The following MESD variants were observed in gnomAD, a reference collection of about 807,000 sequenced individuals.
MESD encodes mesoderm development LRP chaperone, also known as LRP chaperone MESD.
MESD carries 7 observed loss-of-function variants against 12.9 expected under a neutral mutation model. The observed-to-expected ratio is 0.54, with a 90% CI of 0.31 to 1.02. The LOEUF (loss-of-function observed/expected upper bound fraction) is 1.02. MESD is among the 50% of genes least tolerant of loss of function. MESD has a pLI of 0.05. For synonymous variants in MESD, 126 were observed against 115.6 expected, an observed-to-expected ratio of 1.09 and a Z score of -0.58; for missense variants, 342 against 296.7, an observed-to-expected ratio of 1.15 and a Z score of -1.12.
In MESD at chr15:80,989,762, G is replaced by C. The variant is rs759949990; in HGVS notation, c.30C>G (p.Ala10=). The change falls in exon 1 of 3, where the codon GCC becomes GCG. Residue 10 remains alanine (A), a synonymous_variant. Coordinates refer to ENST00000261758, the MANE Select transcript of MESD (RefSeq NM_015154.3). MAASRWARK[A]VVLLCASDLL... is the part of the protein sequence containing the mutation. ...GGTCAGAGGCACAAAGCAGGACCAC[G>C]GCCTTGCGCGCCCACCTGGAAGCCG... 1 of 1,596,146 alleles carries C rather than the reference G, an allele frequency of 6.3e-7. No individual in the cohort carries two copies. Among genetic ancestry groups the C allele is most frequent in the Non-Finnish European group, 8.5e-7 (1 of 1,177,504 alleles).
intron 3 of MESD, chr15:80,970,347 T>C (rs1902258842): frequency 6.6e-6 from 1 of 152,194 alleles, no homozygotes; most frequent in Non-Finnish European, 1.5e-5. Context: ...GCTTTGGTTA[T>C]ATGGTGGAGA....
intron 3 of MESD, among the ~76,000 whole-genome samples, chr15:80,953,772 G>A (rs938042772): frequency 1.3e-5 from 2 of 152,164 alleles, no homozygotes; most frequent in Admixed American, 6.5e-5. Context: ...AGGCATGGGC[G>A]TTCACTCATG....
chr15:80,971,687 C>T (rs1461227950), downstream of MESD, among the ~76,000 whole-genome samples: 2 of 152,046 alleles, frequency 1.3e-5, no homozygotes, highest in Non-Finnish European at 2.9e-5. Context: ...AGTACAGTGA[C>T]ACAATCACAG....
chr15:80,966,957 C>T (rs1212653225), intron 3 of MESD, among the ~76,000 whole-genome samples: 1 of 152,130 alleles, frequency 6.6e-6, no homozygotes, highest in African/African-American at 2.4e-5. Flanking sequence ...AACTGAGGCC[C>T]ATCGAGGTGA....
At chr15:80,969,818 G>C (rs1902248983) in intron 3 of MESD, among the ~76,000 whole-genome samples, 1 of 152,150 alleles carries the variant, frequency 6.6e-6, no homozygotes, top group Non-Finnish European at 1.5e-5. Flanking sequence ...TGGCGCCACT[G>C]CACTCCAGTC....
chr15:80,946,884 G>T, downstream of MESD: 1 of 920,026 alleles, frequency 1.1e-6, no homozygotes, highest in South Asian at 1.4e-5. Flanking sequence ...GTCCCACCAT[G>T]CACAAACCAA....
downstream of MESD, among the ~76,000 whole-genome samples, chr15:80,971,506 G>C (rs1902288112): frequency 6.6e-6 from 1 of 152,158 alleles, no homozygotes; most frequent in Admixed American, 6.5e-5. Context: ...GTTCCTCTTA[G>C]TAATTCTCCA....
intron 2 of MESD, among the ~76,000 whole-genome samples, chr15:80,980,127 C>G (rs1393648529): frequency 1.3e-5 from 2 of 152,194 alleles, no homozygotes; most frequent in Admixed American, 1.3e-4. Flanking sequence ...CCACGCGTTC[C>G]CCCTTCAGTT....
intron 2 of MESD, 80 bp from the exon 3 acceptor site, chr15:80,979,557 T>A: frequency 6.8e-7 from 1 of 1,466,834 alleles, no homozygotes; most frequent in Admixed American, 2.3e-5. Context: ...CTGGCACTTA[T>A]CAGTTTATTT....
At chr15:80,968,026 G>A (rs1002962134) in intron 3 of MESD, among the ~76,000 whole-genome samples, 14 of 152,208 alleles carry the variant, frequency 9.2e-5, no homozygotes, top group African/African-American at 1.7e-4. Context: ...TGACACTTGC[G>A]TGGGACCTCC....
In MESD at chr15:80,979,479, T is replaced by C. The variant is rs1477443871; in HGVS notation, c.447-2A>G. ...GCACGGTCTGATCCCACAATGAACC[T>C]TGGGCAGAGAGATGCAATCAGTCAG... On this transcript the variant is annotated splice_acceptor_variant, in intron 2 of 2. Transcript: ENST00000261758. LOFTEE classifies it high-confidence loss of function. 1.9e-6 allele frequency: 3 copies of C among 1,612,470 alleles called. No individual in the cohort carries two copies. Among genetic ancestry groups the C allele is most frequent in the African/African-American group, 1.3e-5 (1 of 74,880 alleles).
downstream of MESD, among the ~76,000 whole-genome samples, chr15:80,970,821 G>T (rs747699552): frequency 6.6e-6 from 1 of 152,166 alleles, no homozygotes; most frequent in African/African-American, 2.4e-5. Context: ...GGAGCAGGAT[G>T]GGGGCAGTAG....
Position 80,989,634 on chromosome 15 carries a change from T to C in MESD, c.158A>G (p.Lys53Arg), listed in dbSNP as rs1893242738. The C allele has an allele frequency of 1.2e-6, 2 of 1,613,542 alleles. No individual in the cohort carries two copies. Among genetic ancestry groups the C allele is most frequent in the Admixed American group, 1.7e-5 (1 of 60,010 alleles). ...ESTPPPRKKK[K>R]DIRDYNDADM... Reference sequence around the variant, plus strand: ...TGCATCATTGTAATCGCGAATATCCTTCTTCTTCTTCCGGGGAGGTGGGGT... The same window carrying C: ...TGCATCATTGTAATCGCGAATATCCCTCTTCTTCTTCCGGGGAGGTGGGGT... The change falls in exon 1 of 3, where the codon AAG becomes AGG. Residue 53 changes from lysine (K) to arginine (R), a missense_variant. Lys to Arg is a conservative substitution (Grantham distance 26). Coordinates refer to ENST00000261758, the MANE Select transcript of MESD (RefSeq NM_015154.3).
exon 5 of MESD, chr15:80,948,425 A>G (rs1567115342): frequency 2.9e-6 from 1 of 350,016 alleles, no homozygotes; most frequent in Non-Finnish European, 5.6e-6. Context: ...GGATGGGAAC[A>G]CTGGGCTTCA....
chr15:80,947,203 A>G (rs1225726941), downstream of MESD: 4 of 654,366 alleles, frequency 6.1e-6, no homozygotes, highest in Non-Finnish European at 1.1e-5. Flanking sequence ...AATCCCCCAC[A>G]CAACTAGTGG....
intron 1 of MESD, 52 bp downstream of exon 1, chr15:80,989,527 G>A: frequency 6.3e-7 from 1 of 1,575,394 alleles, no homozygotes; most frequent in Non-Finnish European, 8.7e-7. Context: ...GGGTCATAGG[G>A]AACAGGGTCC....
intron 1 of MESD, among the ~76,000 whole-genome samples, chr15:80,983,775 T>C (rs1191421822): frequency 6.6e-6 from 1 of 151,900 alleles, no homozygotes; most frequent in Non-Finnish European, 1.5e-5. Context: ...TGGGCCAAAG[T>C]TGAAATAATC....
intron 1 of MESD, among the ~76,000 whole-genome samples, chr15:80,987,448 G>A (rs372938919): frequency 9.9e-5 from 15 of 152,006 alleles, no homozygotes; most frequent in East Asian, 7.7e-4. Context: ...GTAAAACTAG[G>A]ATGAAGTAGC....
intron 3 of MESD, among the ~76,000 whole-genome samples, chr15:80,963,148 T>A (rs1902117328): frequency 6.6e-6 from 1 of 152,186 alleles, no homozygotes; most frequent in South Asian, 2.1e-4. Context: ...AAAGTGGATA[T>A]TACCACCAAT....
Sources: gnomAD v4.1 joint callset for allele counts (sites outside exome capture counted in the v4.1 genomes callset) on GRCh38, gnomAD v4.1.1 for gene constraint, MANE v1.5 for transcripts, NCBI Gene and HGNC (gene_info 2026-07-23, HGNC 2026-07-21) for gene names.